SULF2: variants seen among roughly 807,000 people sequenced by gnomAD.
SULF2 encodes the protein sulfatase 2.
A neutral mutation model predicts 107.7 loss-of-function variants in SULF2; 52 were observed. The ratio of observed to expected loss-of-function variants is 0.48; its 90% CI spans 0.39 to 0.61. The LOEUF is 0.61. SULF2 is among the 20% of genes least tolerant of loss of function. SULF2 has a pLI of 0.00. For synonymous variants in SULF2, 460 were observed against 464.3 expected (o/e 0.99, Z 0.12); for missense variants, 993 against 1,177.3 (o/e 0.84, Z 2.29).
intron 6 of SULF2, 31 bp from the exon 7 acceptor site, chr20:47,683,200 T>C (rs1165995126): frequency 1.3e-6 from 2 of 1,551,940 alleles, no homozygotes; most frequent in Non-Finnish European, 1.8e-6. Flanking sequence ...CAAGGGACAG[T>C]GGGGACTGGG....
At chr20:47,736,981 AC>A (rs755020738) in intron 2 of SULF2, 39 bp from the exon 3 acceptor site, 2 of 1,610,392 alleles carry the variant, frequency 1.2e-6, no homozygotes, top group South Asian at 2.2e-5. Context: ...AGGGCAGGAG[AC>A]CCGGGCGGCA....
At chr20:47,669,346 T>TA (rs2087385996) in intron 11 of SULF2, among the ~76,000 whole-genome samples, 1 of 152,120 alleles carries the variant, frequency 6.6e-6, no homozygotes, top group Non-Finnish European at 1.5e-5. Flanking sequence ...TTCCCAACCT[T>TA]ACCACTGCGG....
chr20:47,776,709 C>T (rs999618079), intron 1 of SULF2, among the ~76,000 whole-genome samples: 2 of 152,188 alleles, frequency 1.3e-5, no homozygotes, highest in Admixed American at 1.3e-4. Flanking sequence ...AGGGTTCCAC[C>T]AGCCCTTCTG....
chr20:47,672,882 G>A (rs959426354), intron 10 of SULF2, among the ~76,000 whole-genome samples: 3 of 152,080 alleles, frequency 2.0e-5, no homozygotes, highest in Non-Finnish European at 4.4e-5. Context: ...GGGACTTGGC[G>A]CTCACTGTTC....
chr20:47,662,596 CT>C (rs2087112856), intron 17 of SULF2, among the ~76,000 whole-genome samples: 1 of 152,212 alleles, frequency 6.6e-6, no homozygotes, highest in Admixed American at 6.5e-5. Flanking sequence ...GCCACTGCTC[CT>C]TTTGGTCTTG....
At chr20:47,756,502 T>A (rs1361865997) in intron 2 of SULF2, among the ~76,000 whole-genome samples, 2 of 152,192 alleles carry the variant, frequency 1.3e-5, no homozygotes, top group Non-Finnish European at 2.9e-5. Context: ...TAGTCAACCT[T>A]CACATTTGTT....
chr20:47,764,346 C>A (rs915201815), intron 1 of SULF2, among the ~76,000 whole-genome samples: 1 of 150,318 alleles, frequency 6.7e-6, no homozygotes, highest in African/African-American at 2.5e-5. Context: ...TGCGGCATAG[C>A]AGGCATTCAA....
chr20:47,708,473 T>C (rs2088820835), intron 3 of SULF2, among the ~76,000 whole-genome samples: 1 of 152,088 alleles, frequency 6.6e-6, no homozygotes, highest in Non-Finnish European at 1.5e-5. Flanking sequence ...TCCTGGAACA[T>C]TGCATGCCAG....
Position 47,665,192 on chromosome 20 carries a change from G to A in SULF2, c.1997+7C>T, listed in dbSNP as rs1294503738. 1 of 1,606,058 alleles carries A rather than the reference G, an allele frequency of 6.2e-7. No homozygotes were observed. Among genetic ancestry groups the A allele is most frequent in the Admixed American group, 1.7e-5 (1 of 60,012 alleles). On this transcript the variant is annotated splice_region_variant and intron_variant, in intron 14 of 20. Coordinates refer to ENST00000688720, the MANE Select transcript of SULF2 (RefSeq NM_001387048.1). Reference sequence around the variant, plus strand: ...GTCTTAGGGAGGTCCCTTTGCTACTGCCTCACCTGATTTTGTGACAGTCAC... The same window carrying A: ...GTCTTAGGGAGGTCCCTTTGCTACTACCTCACCTGATTTTGTGACAGTCAC...
At chr20:47,725,475 C>T (rs1262449462) in intron 3 of SULF2, among the ~76,000 whole-genome samples, 4 of 152,176 alleles carry the variant, frequency 2.6e-5, no homozygotes, top group Non-Finnish European at 4.4e-5. Flanking sequence ...TCTTAGTCTC[C>T]GCCCCCAGGA....
intron 3 of SULF2, among the ~76,000 whole-genome samples, chr20:47,706,287 G>T (rs948743262): frequency 6.6e-6 from 1 of 151,974 alleles, no homozygotes; most frequent in Non-Finnish European, 1.5e-5. Flanking sequence ...CATGCGGGGG[G>T]GCTCCACTTC....
chr20:47,773,088 TA>T (rs1426231546), intron 1 of SULF2, among the ~76,000 whole-genome samples: 1 of 152,174 alleles, frequency 6.6e-6, no homozygotes, highest in Admixed American at 6.5e-5. Flanking sequence ...GCGGGCTCCA[TA>T]AAGCCCCGCT....
intron 20 of SULF2, among the ~76,000 whole-genome samples, chr20:47,659,136 C>T (rs1457854706): frequency 3.3e-5 from 5 of 152,182 alleles, no homozygotes; most frequent in Non-Finnish European, 5.9e-5. Flanking sequence ...TTAAATGCTT[C>T]TCAACCTCTA....
intron 4 of SULF2, among the ~76,000 whole-genome samples, chr20:47,696,280 A>G (rs2088372807): frequency 6.6e-6 from 1 of 152,226 alleles, no homozygotes; most frequent in Non-Finnish European, 1.5e-5. Flanking sequence ...TATCTGGTAC[A>G]TGGTATGTCT....
chr20:47,658,307 G>A lies in SULF2; in HGVS notation c.*55C>T, dbSNP rs746041144. On this transcript the variant is annotated 3_prime_UTR_variant, in exon 21 of 21. Coordinates refer to ENST00000688720, the MANE Select transcript of SULF2 (RefSeq NM_001387048.1). ...GAAATCACCCACATGGTTTTTCATT[G>A]CCTGTGCAGTCAGGTGATGCCTCTA... The A allele has an allele frequency of 1.9e-6, 3 of 1,589,808 alleles. No homozygotes were observed. Among genetic ancestry groups the A allele is most frequent in the Non-Finnish European group, 2.6e-6 (3 of 1,157,918 alleles).
At chr20:47,671,198 C>T (rs1224282964) in intron 11 of SULF2, among the ~76,000 whole-genome samples, 4 of 152,234 alleles carry the variant, frequency 2.6e-5, no homozygotes, top group African/African-American at 9.6e-5. Flanking sequence ...GTCTGACTGT[C>T]CTCTCCTCGG....
At chr20:47,662,776 G>A (rs1002833048) in intron 17 of SULF2, among the ~76,000 whole-genome samples, 5 of 139,142 alleles carry the variant, frequency 3.6e-5, no homozygotes, top group Non-Finnish European at 8.3e-5. Context: ...AGTGTTAGGA[G>A]TCTTCACAAG....
intron 3 of SULF2, among the ~76,000 whole-genome samples, chr20:47,726,769 A>G (rs903005812): frequency 1.3e-5 from 2 of 152,186 alleles, no homozygotes; most frequent in African/African-American, 2.4e-5. Context: ...GAGGACTACA[A>G]AAGGTCTCAT....
intron 1 of SULF2, among the ~76,000 whole-genome samples, chr20:47,762,728 T>C (rs1600671554): frequency 1.3e-5 from 2 of 152,204 alleles, no homozygotes; most frequent in Admixed American, 6.5e-5. Context: ...GCAGTCTTCA[T>C]TGGGAGCCCT....
Sources: gnomAD v4.1 joint callset for allele counts (sites outside exome capture counted in the v4.1 genomes callset) on GRCh38, gnomAD v4.1.1 for gene constraint, MANE v1.5 for transcripts, NCBI Gene and HGNC (gene_info 2026-07-23, HGNC 2026-07-21) for gene names.